PTPN14: variants seen among roughly 807,000 people sequenced by gnomAD.
PTPN14 encodes the protein tyrosine-protein phosphatase non-receptor type 14.
PTPN14 carries 53 observed loss-of-function variants against 126.8 expected under a neutral mutation model. That is an observed-to-expected ratio of 0.42 (90% CI 0.34 to 0.53). The LOEUF (loss-of-function observed/expected upper bound fraction) is 0.53, where lower values mean the gene tolerates loss of function less well. Among genes scored for constraint, PTPN14 ranks in the 20% least tolerant of loss-of-function variants. The probability of loss-of-function intolerance (pLI) is 0.08; values close to 1 mark genes in which losing one functional copy is unlikely to be tolerated. For synonymous variants in PTPN14, 630 were observed against 599.3 expected (o/e 1.05, Z -0.75); for missense variants, 1,257 against 1,552.9 (o/e 0.81, Z 3.20).
chr1:214,537,236 T>G lies in PTPN14; in HGVS notation c.-155+13947A>C, dbSNP rs141070839. ...CTAGTTTAAAGATGATACCTTTCAC[T>G]GCTAGGGAAAATAATGGGTACCCCC... On this transcript the variant is annotated intron_variant, in intron 1 of 18. Transcript: ENST00000366956. Among the ~76,000 whole-genome samples, 61 of 152,326 alleles carry G rather than the reference T, an allele frequency of 4.0e-4. 1 individual carries two copies. The highest frequency in any genetic ancestry group is 1.4e-3 in the African/African-American group (58 of 41,578).
intron 1 of PTPN14, among the ~76,000 whole-genome samples, chr1:214,488,570 T>C (rs1481187197): frequency 6.6e-6 from 1 of 152,216 alleles, no homozygotes; most frequent in Non-Finnish European, 1.5e-5. Flanking sequence ...ATATCTGCCC[T>C]TTGTAAAATG....
intron 15 of PTPN14, among the ~76,000 whole-genome samples, chr1:214,374,023 G>C (rs1417446638): frequency 1.3e-5 from 2 of 152,156 alleles, no homozygotes; most frequent in African/African-American, 4.8e-5. Flanking sequence ...ATAAGAAGTT[G>C]TACCCAAAGT....
intron 2 of PTPN14, among the ~76,000 whole-genome samples, chr1:214,460,140 C>A (rs1205490006): frequency 1.4e-5 from 2 of 147,536 alleles, no homozygotes; most frequent in Non-Finnish European, 3.0e-5. Context: ...GCAGCCTCCC[C>A]ATCTGTAACA....
chr1:214,423,388 T>A (rs1233100455), intron 3 of PTPN14, among the ~76,000 whole-genome samples: 1 of 152,152 alleles, frequency 6.6e-6, no homozygotes, highest in East Asian at 1.9e-4. Context: ...TTAAGTCATA[T>A]GGCTAGGCAC....
At chr1:214,512,025 G>A (rs1654985806) in intron 1 of PTPN14, among the ~76,000 whole-genome samples, 1 of 152,044 alleles carries the variant, frequency 6.6e-6, no homozygotes, top group African/African-American at 2.4e-5. Flanking sequence ...ACTGGGGAAA[G>A]GCTGCATCTC....
chr1:214,503,952 T>C (rs968921528), intron 1 of PTPN14, among the ~76,000 whole-genome samples: 2 of 152,170 alleles, frequency 1.3e-5, no homozygotes, highest in East Asian at 1.9e-4. Context: ...ATTTTGTACA[T>C]AGGGCTTTCT....
At chr1:214,469,943 A>C (rs948593984) in intron 1 of PTPN14, among the ~76,000 whole-genome samples, 2 of 152,176 alleles carry the variant, frequency 1.3e-5, no homozygotes, top group Admixed American at 6.5e-5. Context: ...CTTAATATAT[A>C]GTTTTATTGA....
intron 3 of PTPN14, among the ~76,000 whole-genome samples, chr1:214,416,465 T>C (rs1659428081): frequency 6.6e-6 from 1 of 152,210 alleles, no homozygotes; most frequent in African/African-American, 2.4e-5. Context: ...CTTCCAACTT[T>C]CATCTACAGC....
At chr1:214,481,660 G>A (rs1256915113) in intron 1 of PTPN14, among the ~76,000 whole-genome samples, 1 of 151,836 alleles carries the variant, frequency 6.6e-6, no homozygotes, top group Non-Finnish European at 1.5e-5. Flanking sequence ...AAGTAAGATT[G>A]GTAAACAAGG....
intron 1 of PTPN14, among the ~76,000 whole-genome samples, chr1:214,533,665 A>C (rs1655619898): frequency 6.6e-6 from 1 of 152,054 alleles, no homozygotes; most frequent in Admixed American, 6.6e-5. Context: ...CCCCATCTCT[A>C]CTAAAAATAC....
At position 214,380,206 on chromosome 1, in the gene PTPN14, G is replaced by A. The variant is rs182640315; in HGVS notation, c.2545-2104C>T. ...TATTTTCACTGCTCTCCAAAGTTTT[G>A]AGAAGGCAATAGTCCTGAAAAATGG... On this transcript the variant is annotated intron_variant, in intron 13 of 18. Transcript: ENST00000366956. 2.1e-3 allele frequency among the ~76,000 whole-genome samples: 321 copies of A among 152,046 alleles called. 4 individuals carry two copies. Among genetic ancestry groups the A allele is most frequent in the Admixed American group, 0.018 (282 of 15,284 alleles).
chr1:214,481,513 A>AAAG lies in PTPN14; in HGVS notation c.-154-16557_-154-16556insCTT, dbSNP rs1478575875. Among the ~76,000 whole-genome samples, 11 of 149,074 alleles carry AAAG rather than the reference A, an allele frequency of 7.4e-5. 1 individual carries two copies. Among genetic ancestry groups the AAAG allele is most frequent in the African/African-American group, 2.7e-4 (11 of 40,920 alleles). ...GAAACAAGCGCGAAACTCCCGCTCA[A>AAAG]AAAAAAAAAAAAAAAAAAGAATAGA... is the stretch of plus-strand genomic sequence containing the variant. On this transcript the variant is annotated intron_variant, in intron 1 of 18. Coordinates refer to ENST00000366956, the MANE Select transcript of PTPN14 (RefSeq NM_005401.5).
chr1:214,517,647 T>C (rs953185964), intron 1 of PTPN14, among the ~76,000 whole-genome samples: 4 of 151,622 alleles, frequency 2.6e-5, no homozygotes, highest in Admixed American at 1.3e-4. Flanking sequence ...GCAGGAGGAG[T>C]AGGGAGGGAA....
At chr1:214,468,348 G>C (rs1221245214) in intron 1 of PTPN14, among the ~76,000 whole-genome samples, 1 of 152,182 alleles carries the variant, frequency 6.6e-6, no homozygotes, top group East Asian at 1.9e-4. Flanking sequence ...CTGAGGTCAA[G>C]AGTTTGAGAC....
At chr1:214,496,702 G>A (rs1394970670) in intron 1 of PTPN14, among the ~76,000 whole-genome samples, 1 of 152,192 alleles carries the variant, frequency 6.6e-6, no homozygotes, top group Non-Finnish European at 1.5e-5. Context: ...GACAGCTGGA[G>A]AGAGATTTTT....
At chr1:214,517,033 T>G (rs187725229) in intron 1 of PTPN14, among the ~76,000 whole-genome samples, 168 of 152,208 alleles carry the variant, frequency 1.1e-3, no homozygotes, top group African/African-American at 3.5e-3. Context: ...ACCAAATATG[T>G]CCTATCCAAC....
At chr1:214,533,212 G>A in intron 1 of PTPN14, 1 of 683,086 alleles carries the variant, frequency 1.5e-6, no homozygotes, top group Non-Finnish European at 2.6e-6. Context: ...GCTGCACCTG[G>A]CGTCAGGGCT....
intron 1 of PTPN14, among the ~76,000 whole-genome samples, chr1:214,538,609 C>T (rs1655765494): frequency 1.3e-5 from 2 of 152,012 alleles, no homozygotes; most frequent in African/African-American, 4.8e-5. Flanking sequence ...TGTTACGTGC[C>T]CAATTACACA....
intron 18 of PTPN14, 46 bp from the exon 19 acceptor site, chr1:214,358,096 C>G: frequency 6.3e-7 from 1 of 1,599,936 alleles, no homozygotes; most frequent in Non-Finnish European, 8.5e-7. Context: ...CAGGAGGCTT[C>G]CCTTTGAGCA....
Sources: allele counts gnomAD v4.1 joint callset (sites outside exome capture counted in the v4.1 genomes callset), GRCh38; gene constraint gnomAD v4.1.1; transcripts MANE v1.5; gene names NCBI Gene and HGNC (gene_info 2026-07-23, HGNC 2026-07-21).